TTC6: variants seen among roughly 807,000 people sequenced by gnomAD.
TTC6 encodes tetratricopeptide repeat domain 6, also known as tetratricopeptide repeat protein 6.
A neutral mutation model predicts 210.4 loss-of-function variants in TTC6; 172 were observed. The observed-to-expected ratio is 0.82, with a 90% CI of 0.72 to 0.93. TTC6 has a LOEUF of 0.93. TTC6 is among the 40% of genes least tolerant of loss of function. The pLI is 0.00. For synonymous variants in TTC6, 804 were observed against 819.6 expected, an observed-to-expected ratio of 0.98 and a Z score of 0.32; for missense variants, 2,414 against 2,318.1, an observed-to-expected ratio of 1.04 and a Z score of -0.85.
exon 1 of TTC6, chr14:37,622,919 G>C: frequency 2.6e-6 from 4 of 1,534,148 alleles, no homozygotes; most frequent in Non-Finnish European, 3.5e-6. Flanking sequence ...CCTCTCTGCA[G>C]TCCGAGGCCC....
rs567643132 is a variant in TTC6, at chr14:37,730,156, A to G, written c.1818+5154A>G. Among the ~76,000 whole-genome samples the G allele has an allele frequency of 2.6e-5, 4 of 152,310 alleles. No homozygotes were observed. In the East Asian group the frequency reaches 7.7e-4, roughly 29 times the overall value. On this transcript the variant is annotated intron_variant, in intron 7 of 30. Transcript: ENST00000553443. ...TCCTGGTTGTGGTGAATGGGAAATGATATTTAGATGCACAGATCTATGTGC... is the reference window on the plus strand; with the variant it reads ...TCCTGGTTGTGGTGAATGGGAAATGGTATTTAGATGCACAGATCTATGTGC...
intron 1 of TTC6, among the ~76,000 whole-genome samples, chr14:37,673,671 G>A (rs2095762969): frequency 6.6e-6 from 1 of 152,104 alleles, no homozygotes; most frequent in African/African-American, 2.4e-5. Context: ...GAAAGACCAT[G>A]TGGTCTGTTT....
chr14:37,811,090 T>C (rs1595299493), intron 24 of TTC6, among the ~76,000 whole-genome samples: 2 of 152,174 alleles, frequency 1.3e-5, no homozygotes, highest in Non-Finnish European at 2.9e-5. Context: ...CCCCTCCTCT[T>C]AATCAAAACC....
At chr14:37,726,628 A>G (rs1254843830) in intron 7 of TTC6, among the ~76,000 whole-genome samples, 2 of 152,104 alleles carry the variant, frequency 1.3e-5, no homozygotes, top group East Asian at 3.8e-4. Flanking sequence ...TTAACTGGAT[A>G]GCATTTCATC....
intron 1 of TTC6, among the ~76,000 whole-genome samples, chr14:37,669,036 C>T (rs767236820): frequency 6.6e-6 from 1 of 152,198 alleles, no homozygotes; most frequent in African/African-American, 2.4e-5. Context: ...AAAACCTTGA[C>T]TGAATAGCTT....
intron 1 of TTC6, among the ~76,000 whole-genome samples, chr14:37,661,762 A>G (rs2095737857): frequency 6.6e-6 from 1 of 152,200 alleles, no homozygotes; most frequent in Non-Finnish European, 1.5e-5. Flanking sequence ...TACTTTGGGC[A>G]GTATGACCAT....
intron 14 of TTC6, among the ~76,000 whole-genome samples, chr14:37,784,896 G>A (rs945235030): frequency 1.3e-5 from 2 of 152,270 alleles, no homozygotes; most frequent in African/African-American, 4.8e-5. Context: ...TGTTTGGCTG[G>A]ATATGAAATT....
At chr14:37,659,179 C>T (rs1357119238) in intron 1 of TTC6, among the ~76,000 whole-genome samples, 1 of 152,034 alleles carries the variant, frequency 6.6e-6, no homozygotes, top group Non-Finnish European at 1.5e-5. Flanking sequence ...ATTCACTCTA[C>T]CATTGATGGA....
intron 9 of TTC6, among the ~76,000 whole-genome samples, chr14:37,738,163 A>C (rs1296848731): frequency 1.3e-5 from 2 of 150,404 alleles, no homozygotes; most frequent in Admixed American, 1.3e-4. Flanking sequence ...ATGCATAATT[A>C]TTAAAATTAT....
At chr14:37,614,774 T>A (rs2095640024) in intron 2 of TTC6, among the ~76,000 whole-genome samples, 2 of 152,134 alleles carry the variant, frequency 1.3e-5, no homozygotes, top group African/African-American at 4.8e-5. Flanking sequence ...TGAGACAGAG[T>A]CTTGCTGTGT....
intron 14 of TTC6, among the ~76,000 whole-genome samples, chr14:37,759,828 G>T (rs941530508): frequency 4.6e-5 from 7 of 152,102 alleles, no homozygotes; most frequent in African/African-American, 1.4e-4. Context: ...CGAAGTTCTT[G>T]TCCTTGTTTT....
intron 17 of TTC6, among the ~76,000 whole-genome samples, chr14:37,794,826 C>T (rs1016194529): frequency 2.0e-5 from 3 of 151,862 alleles, no homozygotes; most frequent in African/African-American, 4.8e-5. Context: ...CCTCATCAAG[C>T]GATTCTCCTA....
In TTC6 at chr14:37,616,565, C is replaced by T. The variant is rs201063423; in HGVS notation, c.-154-5485C>T. On this transcript the variant is annotated intron_variant, in intron 2 of 2. Coordinates refer to the TTC6 transcript ENST00000556845. ...TCTGTGAATTAGCCAGGCATGGTGG[C>T]GGGTCTCTGTAGTCCCAGCTACTCA... Among the ~76,000 whole-genome samples the T allele has an allele frequency of 2.2e-4, 33 of 152,110 alleles. No homozygotes were observed. In the East Asian group the frequency reaches 5.0e-3, roughly 23 times the overall value.
intron 7 of TTC6, among the ~76,000 whole-genome samples, chr14:37,728,317 C>A (rs985357778): frequency 6.6e-6 from 1 of 152,028 alleles, no homozygotes; most frequent in Non-Finnish European, 1.5e-5. Context: ...TGGTGGCTCA[C>A]GCCTGTAATC....
intron 3 of TTC6, among the ~76,000 whole-genome samples, chr14:37,692,069 A>G (rs1027422251): frequency 2.6e-5 from 4 of 151,916 alleles, no homozygotes; most frequent in Admixed American, 1.3e-4. Flanking sequence ...CCTGGGACCC[A>G]ATGGCTTCAC....
At position 37,725,288 on chromosome 14, in the gene TTC6, A is replaced by G. The variant is rs1397019325; in HGVS notation, c.1818+286A>G. 5.3e-5 allele frequency among the ~76,000 whole-genome samples: 5 copies of G among 94,332 alleles called. No individual in the cohort carries two copies. In the South Asian group the frequency reaches 1.3e-3, roughly 24 times the overall value. The allele number at this position is 94,332 out of a possible 152,430, so 61.9% of individuals were successfully genotyped here. Reference sequence around the variant, plus strand: ...ATATATGTATATATATAAAATTTATATATGTATGTATGTGTGTGTGTGTGT... The same window carrying G: ...ATATATGTATATATATAAAATTTATGTATGTATGTATGTGTGTGTGTGTGT... On this transcript the variant is annotated intron_variant, in intron 7 of 30. Coordinates refer to ENST00000553443, the Ensembl canonical transcript of TTC6.
At chr14:37,707,564 A>G (rs553570612) in intron 5 of TTC6, among the ~76,000 whole-genome samples, 5 of 152,186 alleles carry the variant, frequency 3.3e-5, no homozygotes, top group East Asian at 3.9e-4. Flanking sequence ...TCTAAATTCT[A>G]TCAGTCTCTT....
intron 1 of TTC6, among the ~76,000 whole-genome samples, chr14:37,626,659 C>T (rs1441031640): frequency 1.3e-5 from 2 of 152,162 alleles, no homozygotes; most frequent in Admixed American, 6.5e-5. Flanking sequence ...GGTGAATTCT[C>T]TGACTTTTCT....
chr14:37,753,390 C>T (rs1566932093), intron 14 of TTC6, among the ~76,000 whole-genome samples, 155 bp downstream of exon 16: 1 of 152,182 alleles, frequency 6.6e-6, no homozygotes. Context: ...TGCTTACACC[C>T]TAATGGTGTC....
Sources: gnomAD v4.1 joint callset for allele counts (sites outside exome capture counted in the v4.1 genomes callset) on GRCh38, gnomAD v4.1.1 for gene constraint, MANE v1.5 for transcripts, NCBI Gene and HGNC (gene_info 2026-07-23, HGNC 2026-07-21) for gene names.